GPATCH2: variants seen among roughly 807,000 people sequenced by gnomAD.
GPATCH2 encodes G patch domain-containing protein 2.
Under a neutral mutation model 58.0 loss-of-function variants are expected in GPATCH2, and 51 were observed. That is an observed-to-expected ratio of 0.88 (90% CI 0.70 to 1.11). The LOEUF (loss-of-function observed/expected upper bound fraction) is 1.11. Among genes scored for constraint, GPATCH2 ranks in the 50% most tolerant of loss-of-function variants. The pLI is 0.00. For missense variants in GPATCH2, 625 were observed against 652.2 expected (o/e 0.96, Z 0.45); for synonymous variants, 222 against 218.5 (o/e 1.02, Z -0.14).
At chr1:217,498,543 A>T in intron 6 of GPATCH2, 148 bp from the exon 7 acceptor site, 1 of 688,232 alleles carries the variant, frequency 1.5e-6, no homozygotes, top group Non-Finnish European at 2.6e-6. Context: ...ATGTAATTCT[A>T]GACTTAGACC....
chr1:217,630,869 A>G (rs751134900), intron 1 of GPATCH2, 47 bp downstream of exon 1: 15 of 1,444,078 alleles, frequency 1.0e-5, no homozygotes, highest in Non-Finnish European at 1.4e-5. Flanking sequence ...GCCTCGGGCA[A>G]TCACACCCTT....
chr1:217,595,728 G>C (rs944823767), intron 5 of GPATCH2, among the ~76,000 whole-genome samples: 13 of 152,044 alleles, frequency 8.6e-5, no homozygotes, highest in African/African-American at 3.1e-4. Context: ...TCGAACTCCT[G>C]ACTTCAAGTG....
At chr1:217,467,662 C>T (rs1057076017) in intron 8 of GPATCH2, among the ~76,000 whole-genome samples, 1 of 151,662 alleles carries the variant, frequency 6.6e-6, no homozygotes, top group Non-Finnish European at 1.5e-5. Context: ...TGAATTTGAA[C>T]TGGAACTATC....
intron 5 of GPATCH2, among the ~76,000 whole-genome samples, chr1:217,552,814 C>T (rs1665428751): frequency 6.6e-6 from 1 of 152,042 alleles, no homozygotes. Flanking sequence ...GAGTCTAGTG[C>T]CTCAAGGCTT....
chr1:217,443,588 T>G (rs1406200823), intron 9 of GPATCH2, among the ~76,000 whole-genome samples: 1 of 152,154 alleles, frequency 6.6e-6, no homozygotes, highest in Non-Finnish European at 1.5e-5. Context: ...AAAATTCTTA[T>G]TTTCCTGAAT....
intron 2 of GPATCH2, among the ~76,000 whole-genome samples, chr1:217,616,056 T>C (rs1223681948): frequency 6.6e-6 from 1 of 152,162 alleles, no homozygotes; most frequent in South Asian, 2.1e-4. Context: ...TGAACTTTAC[T>C]TACAAATATA....
At chr1:217,443,310 T>C (rs1261047152) in intron 9 of GPATCH2, among the ~76,000 whole-genome samples, 1 of 152,188 alleles carries the variant, frequency 6.6e-6, no homozygotes, top group Non-Finnish European at 1.5e-5. Flanking sequence ...GCTGGATATG[T>C]AACTCAGGTT....
intron 3 of GPATCH2, among the ~76,000 whole-genome samples, chr1:217,612,091 G>A (rs1004322150): frequency 1.3e-5 from 2 of 151,836 alleles, no homozygotes; most frequent in African/African-American, 4.8e-5. Context: ...GAGGCAGGAG[G>A]ATCCCTTGAG....
At chr1:217,499,227 T>C (rs1335066900) in intron 6 of GPATCH2, among the ~76,000 whole-genome samples, 1 of 152,204 alleles carries the variant, frequency 6.6e-6, no homozygotes, top group Non-Finnish European at 1.5e-5. Context: ...AACATTACTA[T>C]TAATGCTATT....
chr1:217,587,058 G>T (rs895972859), intron 5 of GPATCH2, among the ~76,000 whole-genome samples: 13 of 152,058 alleles, frequency 8.5e-5, no homozygotes, highest in Non-Finnish European at 1.6e-4. Context: ...TATGGTGCAG[G>T]GGGGAAGTTC....
chr1:217,620,260 G>C lies in GPATCH2; in HGVS notation c.296C>G (p.Pro99Arg). The change falls in exon 2 of 10, where the codon CCA becomes CGA. Residue 99 changes from proline (P) to arginine (R), a missense_variant. Pro to Arg is a moderately radical substitution (Grantham distance 103). Transcript: ENST00000366935. ...GTGATTCTCTCTATAGTCCTTGCTT[G>C]GTTCTTCTAAACTAGAATCAGAGCC... is the stretch of plus-strand genomic sequence containing the variant. ...SEGSDSSLEE[P>R]SKDYRENHNN... is the part of the protein sequence containing the mutation. 1 of 1,613,640 alleles carries C rather than the reference G, an allele frequency of 6.2e-7. No homozygotes were observed. Among genetic ancestry groups the C allele is most frequent in the Non-Finnish European group, 8.5e-7 (1 of 1,179,658 alleles).
chr1:217,465,080 G>A (rs900071059), intron 8 of GPATCH2, among the ~76,000 whole-genome samples: 14 of 151,746 alleles, frequency 9.2e-5, no homozygotes, highest in African/African-American at 3.1e-4. Flanking sequence ...TAGCATTTAG[G>A]AAGCAATTAG....
At chr1:217,596,418 C>T (rs1667830519) in intron 5 of GPATCH2, among the ~76,000 whole-genome samples, 1 of 152,140 alleles carries the variant, frequency 6.6e-6, no homozygotes, top group Non-Finnish European at 1.5e-5. Flanking sequence ...TTGAACAAGT[C>T]ATTTAAGGCA....
chr1:217,563,653 A>G (rs934269476), intron 5 of GPATCH2, among the ~76,000 whole-genome samples: 2 of 152,246 alleles, frequency 1.3e-5, no homozygotes, highest in Non-Finnish European at 2.9e-5. Flanking sequence ...TTGACCCAAC[A>G]TAACTATAAT....
At chr1:217,585,656 T>C (rs1667303890) in intron 5 of GPATCH2, among the ~76,000 whole-genome samples, 1 of 152,092 alleles carries the variant, frequency 6.6e-6, no homozygotes, top group Admixed American at 6.6e-5. Flanking sequence ...ACAGCAGGAA[T>C]GTTTGTAATA....
At chr1:217,470,478 T>C (rs1006126728) in intron 8 of GPATCH2, among the ~76,000 whole-genome samples, 1 of 152,200 alleles carries the variant, frequency 6.6e-6, no homozygotes, top group African/African-American at 2.4e-5. Context: ...AAATTCCTTT[T>C]TTTCTGTGTG....
intron 6 of GPATCH2, among the ~76,000 whole-genome samples, chr1:217,508,320 C>T (rs1175881576): frequency 6.6e-6 from 1 of 152,066 alleles, no homozygotes; most frequent in Non-Finnish European, 1.5e-5. Context: ...TTTAAGCAAA[C>T]TCGATATTTA....
At chr1:217,519,205 T>C (rs181102744) in intron 5 of GPATCH2, among the ~76,000 whole-genome samples, 11 of 152,358 alleles carry the variant, frequency 7.2e-5, no homozygotes, top group Middle Eastern at 3.4e-3. Context: ...TTGTTTTATA[T>C]TGGCGTTTTA....
At chr1:217,506,768 T>C (rs1166315103) in intron 6 of GPATCH2, among the ~76,000 whole-genome samples, 2 of 152,236 alleles carry the variant, frequency 1.3e-5, no homozygotes, top group Non-Finnish European at 2.9e-5. Flanking sequence ...CCTTCCTATA[T>C]TGTGCTCAAT....
Sources: allele counts gnomAD v4.1 joint callset (sites outside exome capture counted in the v4.1 genomes callset), GRCh38; gene constraint gnomAD v4.1.1; transcripts MANE v1.5; gene names NCBI Gene and HGNC (gene_info 2026-07-23, HGNC 2026-07-21).